ADGRE3: variants seen among roughly 807,000 people sequenced by gnomAD.
ADGRE3 encodes the protein EGF-like module receptor 3.
ADGRE3 carries 88 observed loss-of-function variants against 80.1 expected under a neutral mutation model. That is an observed-to-expected ratio of 1.10 (90% CI 0.93 to 1.31). ADGRE3 has a LOEUF of 1.31. ADGRE3 is among the 40% of genes most tolerant of loss of function. The probability of loss-of-function intolerance (pLI) is 0.00; values close to 1 mark genes in which losing one functional copy is unlikely to be tolerated. For missense variants in ADGRE3, 715 were observed against 776.5 expected (o/e 0.92, Z 0.94); for synonymous variants, 281 against 294.8 (o/e 0.95, Z 0.48).
intron 6 of ADGRE3, among the ~76,000 whole-genome samples, chr19:14,652,464 A>G (rs908856417): frequency 4.6e-5 from 7 of 152,104 alleles, no homozygotes; most frequent in Non-Finnish European, 7.4e-5. Flanking sequence ...GAAGCAAGCA[A>G]CAAAACAGCA....
chr19:14,667,663 G>A (rs555392874), intron 2 of ADGRE3, among the ~76,000 whole-genome samples: 110 of 152,154 alleles, frequency 7.2e-4, no homozygotes, highest in Middle Eastern at 6.8e-3. Context: ...ACACAGGGTG[G>A]GGAACATCAC....
At chr19:14,669,523 C>G (rs890084730) in intron 1 of ADGRE3, among the ~76,000 whole-genome samples, 1 of 152,060 alleles carries the variant, frequency 6.6e-6, no homozygotes, top group Non-Finnish European at 1.5e-5. Flanking sequence ...GAGTCTCTTT[C>G]TGTCACTCAG....
At chr19:14,609,971 G>A in the ADGRE3 span, 15 of 931,348 alleles carry the variant, frequency 1.6e-5, no homozygotes, top group Middle Eastern at 2.2e-4. Context: ...TGCCAAATGC[G>A]TAGTGCCAGG....
chr19:14,644,358 T>C lies in ADGRE3; in HGVS notation c.883-83A>G, dbSNP rs1223640040. On this transcript the variant is annotated intron_variant, in intron 8 of 15. Coordinates refer to ENST00000253673, the MANE Select transcript of ADGRE3 (RefSeq NM_032571.5). ...TTTTTGGAGACAAAATCTTGCTTTG[T>C]TACTCAGGCTGGAGTGCAGTGGCTC... 2.7e-6 allele frequency: 3 copies of C among 1,104,252 alleles called. No individual in the cohort carries two copies. In the African/African-American group the frequency reaches 4.9e-5, roughly 18 times the overall value. The allele number at this position is 1,104,252 out of a possible 1,614,324, so 68.4% of individuals were successfully genotyped here.
chr19:14,651,911 G>A (rs1971618150), intron 6 of ADGRE3, among the ~76,000 whole-genome samples: 1 of 152,068 alleles, frequency 6.6e-6, no homozygotes, highest in South Asian at 2.1e-4. Context: ...GCATGGTGGT[G>A]TGCACCTGTA....
chr19:14,619,364 G>T lies in ADGRE3; in HGVS notation c.*69C>A. On this transcript the variant is annotated 3_prime_UTR_variant, in exon 16 of 16. Transcript: ENST00000253673. ...TGTTTAATGAATTCCCTTTTCCTTA[G>T]CTTCATTCTTCATAATGCCAAAGAG... The T allele has an allele frequency of 8.7e-7, 1 of 1,151,524 alleles. No individual in the cohort carries two copies. The highest frequency in any genetic ancestry group is 1.3e-6 in the Non-Finnish European group (1 of 763,726). 71.3% of individuals were successfully genotyped at this position (1,151,524 alleles called of 1,614,324 possible).
chr19:14,631,294 T>C (rs1338111600), intron 13 of ADGRE3, among the ~76,000 whole-genome samples: 2 of 152,144 alleles, frequency 1.3e-5, no homozygotes, highest in Non-Finnish European at 2.9e-5. Flanking sequence ...CCTGATTTGA[T>C]CATTGCACAT....
chr19:14,625,911 A>G (rs1970725645), intron 14 of ADGRE3, among the ~76,000 whole-genome samples: 1 of 152,078 alleles, frequency 6.6e-6, no homozygotes, highest in Admixed American at 6.6e-5. Flanking sequence ...AAAGTAGAAG[A>G]GCGGTTTCCA....
At position 14,633,277 on chromosome 19, in the gene ADGRE3, A is replaced by T; in HGVS notation, c.1510T>A (p.Phe504Ile). 1 of 1,612,616 alleles carries T rather than the reference A, an allele frequency of 6.2e-7. No individual in the cohort carries two copies. The highest frequency in any genetic ancestry group is 1.3e-5 in the African/African-American group (1 of 75,032). ...ACTGGGCCAAGGAAACTCCACATGA[A>T]TCCCTGGTCCAGGTGGAGCCAGCAT... Reference protein sequence around the residue: ...DRCWLHLDQGFMWSFLGPVCA... With the variant: ...DRCWLHLDQGIMWSFLGPVCA... Residue 504 changes from phenylalanine (F) to isoleucine (I), a missense_variant, in exon 12 of 16, where the codon TTC (phenylalanine) becomes ATC (isoleucine). By Grantham distance (21) the Phe-to-Ile change is conservative (BLOSUM62 0). Transcript: ENST00000253673.
In ADGRE3 at chr19:14,620,548, T is replaced by TAATATATATATATA; in HGVS notation, c.1921-1078_1921-1077insTATATATATATATT. Among the ~76,000 whole-genome samples the TAATATATATATATA allele has an allele frequency of 3.3e-3, 82 of 24,938 alleles. 9 individuals carry two copies. Among genetic ancestry groups the TAATATATATATATA allele is most frequent in the African/African-American group, 0.014 (64 of 4,644 alleles). 16.4% of individuals were successfully genotyped at this position (24,938 alleles called of 152,430 possible). On this transcript the variant is annotated intron_variant, in intron 15 of 15. Transcript: ENST00000253673. ...TGAATATATATATTTTATATATATA[T>TAATATATATATATA]TATATATATATATATATATATTTTT...
At chr19:14,638,601 T>C (rs536424634) in intron 10 of ADGRE3, among the ~76,000 whole-genome samples, 1 of 152,108 alleles carries the variant, frequency 6.6e-6, no homozygotes, top group East Asian at 1.9e-4. Flanking sequence ...TTTAAAAAAA[T>C]AGATAGTTGA....
At chr19:14,664,314 G>A (rs548015288) in intron 2 of ADGRE3, among the ~76,000 whole-genome samples, 1 of 151,922 alleles carries the variant, frequency 6.6e-6, no homozygotes, top group Admixed American at 6.6e-5. Flanking sequence ...GCACATGCCT[G>A]TAATCCCAGC....
At chr19:14,652,654 T>C (rs949123649) in intron 6 of ADGRE3, among the ~76,000 whole-genome samples, 1 of 151,676 alleles carries the variant, frequency 6.6e-6, no homozygotes, top group Non-Finnish European at 1.5e-5. Context: ...GGCAGGCACC[T>C]TTAATCCCAG....
intron 11 of ADGRE3, among the ~76,000 whole-genome samples, chr19:14,637,567 T>G (rs995173745): frequency 1.3e-5 from 2 of 151,704 alleles, no homozygotes; most frequent in Non-Finnish European, 2.9e-5. Flanking sequence ...CTATTTTTTT[T>G]TTTTTTAATC....
rs1399634963 is a variant in ADGRE3, at chr19:14,620,895, G to A, written c.1921-1424C>T. Among the ~76,000 whole-genome samples the A allele has an allele frequency of 2.0e-5, 3 of 151,842 alleles. No homozygotes were observed. The East Asian group carries it at 5.8e-4, about 29-fold the overall frequency. On this transcript the variant is annotated intron_variant, in intron 15 of 15. Transcript: ENST00000253673. ...TAAACGATTTTCCTTATTTCATTGT[G>A]GAGAACCAATAACTGGAATGCTGGC... is the stretch of plus-strand genomic sequence containing the variant.
At chr19:14,656,800 G>T (rs1032624600) in intron 5 of ADGRE3, among the ~76,000 whole-genome samples, 3 of 152,268 alleles carry the variant, frequency 2.0e-5, no homozygotes, top group African/African-American at 7.2e-5. Flanking sequence ...AAGAAAATTT[G>T]GGGCTGCTCT....
chr19:14,602,121 A>C, the ADGRE3 span, among the ~76,000 whole-genome samples: 1 of 151,978 alleles, frequency 6.6e-6, no homozygotes, highest in Non-Finnish European at 1.5e-5. Flanking sequence ...TTGTAGAGAC[A>C]GGGTCTTGCT....
chr19:14,636,275 G>A (rs557289320), intron 11 of ADGRE3, among the ~76,000 whole-genome samples: 11 of 137,626 alleles, frequency 8.0e-5, no homozygotes, highest in African/African-American at 2.5e-4. Flanking sequence ...GTTGGGGTGC[G>A]TTGGTACAAT....
chr19:14,668,487 C>A, intron 2 of ADGRE3: 1 of 434,158 alleles, frequency 2.3e-6, no homozygotes, highest in Non-Finnish European at 4.1e-6. Context: ...TAATGATTAG[C>A]ATTCCTTTGT....
Sources: allele counts gnomAD v4.1 joint callset (sites outside exome capture counted in the v4.1 genomes callset), GRCh38; gene constraint gnomAD v4.1.1; transcripts MANE v1.5; gene names NCBI Gene and HGNC (gene_info 2026-07-23, HGNC 2026-07-21).